The following CLRN3 variants were observed in gnomAD, a reference collection of about 807,000 sequenced individuals.
CLRN3 encodes the protein clarin-3.
CLRN3 carries 12 observed loss-of-function variants against 16.7 expected under a neutral mutation model. That is an observed-to-expected ratio of 0.72 (90% CI 0.46 to 1.16). The LOEUF is 1.16. Among genes scored for constraint, CLRN3 ranks in the 50% most tolerant of loss-of-function variants. The probability of loss-of-function intolerance (pLI) is 0.00; values close to 1 mark genes in which losing one functional copy is unlikely to be tolerated. For missense variants in CLRN3, 296 were observed against 274.2 expected (o/e 1.08, Z -0.56); for synonymous variants, 118 against 113.0 (o/e 1.04, Z -0.28).
chr10:127,884,707 G>C (rs987537904), intron 1 of CLRN3, among the ~76,000 whole-genome samples: 2 of 152,168 alleles, frequency 1.3e-5, no homozygotes, highest in African/African-American at 4.8e-5. Flanking sequence ...TCAGTCCTGG[G>C]TTCCTGGTTT....
Position 127,892,679 on chromosome 10 carries a change from T to G in CLRN3, c.106A>C (p.Ser36Arg). The G allele has an allele frequency of 6.2e-7, 1 of 1,612,086 alleles. No homozygotes were observed. The highest frequency in any genetic ancestry group is 8.5e-7 in the Non-Finnish European group (1 of 1,178,086). Reference sequence around the variant, plus strand: ...GCAGAGTCTCTAACAGCAATTGTACTGGTGATCCATGCTTGTGTCCCAAGA... The same window carrying G: ...GCAGAGTCTCTAACAGCAATTGTACGGGTGATCCATGCTTGTGTCCCAAGA... ...SILGTQAWIT[S>R]TIAVRDSASN... The change falls in exon 1 of 3, where the codon AGT (serine) becomes CGT (arginine). Residue 36 changes from serine to arginine, a missense_variant. Coordinates refer to ENST00000368671, the MANE Select transcript of CLRN3 (RefSeq NM_152311.5).
At chr10:127,891,464 A>G (rs1156240228) in intron 1 of CLRN3, among the ~76,000 whole-genome samples, 2 of 152,240 alleles carry the variant, frequency 1.3e-5, no homozygotes, top group Non-Finnish European at 2.9e-5. Flanking sequence ...AGTTGCTGTA[A>G]AGCCAATGTT....
rs1295900003 is a variant in CLRN3, at chr10:127,878,109, T to C, written c.*40A>G. On this transcript the variant is annotated 3_prime_UTR_variant, in exon 3 of 3. Transcript: ENST00000368671. The stretch of plus-strand genomic sequence containing the variant: ...CTAACCAGTTACTACTCAGGGCTGA[T>C]GTACAATAGATGCAACGCCAAAATG... 3 of 1,601,638 alleles carry C rather than the reference T, an allele frequency of 1.9e-6. No homozygotes were observed. The highest frequency in any genetic ancestry group is 1.3e-5 in the African/African-American group (1 of 74,780).
At chr10:127,881,446 G>C (rs1210262014) in intron 2 of CLRN3, among the ~76,000 whole-genome samples, 1 of 152,222 alleles carries the variant, frequency 6.6e-6, no homozygotes, top group Non-Finnish European at 1.5e-5. Context: ...AACCCTGCAG[G>C]CTGTAGACAC....
At position 127,892,648 on chromosome 10, in the gene CLRN3, T is replaced by C; in HGVS notation, c.137A>G (p.Asn46Ser). The change falls in exon 1 of 3, where the codon AAT becomes AGT. Residue 46 changes from asparagine (N) to serine (S), a missense_variant. By Grantham distance (46) the Asn-to-Ser change is conservative. Coordinates refer to ENST00000368671, the MANE Select transcript of CLRN3 (RefSeq NM_152311.5). ...TCCGTAAGTGATGAAAATGCTCCCA[T>C]TTGAAGCAGAGTCTCTAACAGCAAT... ...STIAVRDSASNGSIFITYGLF... is the reference protein window; with the variant it reads ...STIAVRDSASSGSIFITYGLF... The C allele has an allele frequency of 6.2e-7, 1 of 1,612,746 alleles. No homozygotes were observed. The highest frequency in any genetic ancestry group is 8.5e-7 in the Non-Finnish European group (1 of 1,178,750).
chr10:127,882,959 G>C (rs779495556), intron 2 of CLRN3, among the ~76,000 whole-genome samples: 137 of 152,168 alleles, frequency 9.0e-4, no homozygotes, highest in Non-Finnish European at 1.8e-3. Context: ...TGGGCAGATG[G>C]GCAGCTGCAG....
At chr10:127,891,427 A>G (rs1439106907) in intron 1 of CLRN3, among the ~76,000 whole-genome samples, 1 of 152,232 alleles carries the variant, frequency 6.6e-6, no homozygotes, top group Non-Finnish European at 1.5e-5. Flanking sequence ...CTATTCACAT[A>G]ACTGAAAGCA....
chr10:127,884,700 G>GTCCTGGGT (rs1845173098), intron 1 of CLRN3, among the ~76,000 whole-genome samples: 1 of 152,230 alleles, frequency 6.6e-6, no homozygotes, highest in African/African-American at 2.4e-5. Context: ...CTGGCTGTCA[G>GTCCTGGGT]TCCTGGGTTC....
intron 1 of CLRN3, among the ~76,000 whole-genome samples, chr10:127,886,220 C>A (rs2135082912): frequency 6.6e-6 from 1 of 152,318 alleles, no homozygotes; most frequent in Non-Finnish European, 1.5e-5. Context: ...CCCGACAATC[C>A]CCTTGGACAG....
chr10:127,888,033 A>C (rs1238275786), intron 1 of CLRN3, among the ~76,000 whole-genome samples: 1 of 152,202 alleles, frequency 6.6e-6, no homozygotes, highest in African/African-American at 2.4e-5. Context: ...CCATGCAGGA[A>C]AATGTAACCC....
intron 2 of CLRN3, among the ~76,000 whole-genome samples, chr10:127,879,951 A>G (rs1845108146): frequency 6.6e-6 from 1 of 152,020 alleles, no homozygotes; most frequent in African/African-American, 2.4e-5. Flanking sequence ...TGTACCCGGA[A>G]CTCAGTGGAC....
At chr10:127,882,638 C>T (rs566162967) in intron 2 of CLRN3, among the ~76,000 whole-genome samples, 12 of 152,318 alleles carry the variant, frequency 7.9e-5, no homozygotes, top group Admixed American at 5.2e-4. Flanking sequence ...GCGCCTACCT[C>T]GTGGTAAGGA....
intron 1 of CLRN3, among the ~76,000 whole-genome samples, chr10:127,889,411 G>A (rs1289608479): frequency 1.3e-5 from 2 of 152,138 alleles, no homozygotes; most frequent in Non-Finnish European, 2.9e-5. Flanking sequence ...ATCACTTGAG[G>A]TCAGGAGTTT....
Position 127,883,887 on chromosome 10 carries a change from T to A in CLRN3, c.230-12A>T. ...CAGTATCTCTAAAACTAAAACAATG[T>A]TTTGTGAGTGCATAGCACATAATGC... On this transcript the variant is annotated splice_polypyrimidine_tract_variant and intron_variant, in intron 1 of 2. Coordinates refer to ENST00000368671, the MANE Select transcript of CLRN3 (RefSeq NM_152311.5). 1 of 1,613,280 alleles carries A rather than the reference T, an allele frequency of 6.2e-7. No homozygotes were observed.
In CLRN3 at chr10:127,877,895, AG is replaced by A. The variant is rs1845076972; in HGVS notation, c.*253del. On this transcript the variant is annotated 3_prime_UTR_variant, in exon 3 of 3. Coordinates refer to ENST00000368671, the MANE Select transcript of CLRN3 (RefSeq NM_152311.5). ...TTTCAGATCGTGAGACCAGGTCAGA[AG>A]GGTCGTTACGCTCATCATGATACTA... 8.5e-6 allele frequency: 4 copies of A among 470,524 alleles called. No individual in the cohort carries two copies. The highest frequency in any genetic ancestry group is 5.8e-4 in the Middle Eastern group (1 of 1,718). 29.1% of individuals were successfully genotyped at this position (470,524 alleles called of 1,614,324 possible). A position where few individuals can be genotyped will look rare whatever the true frequency, so the allele number is the denominator to read the frequency against.
At chr10:127,892,030 T>C (rs1168956505) in intron 1 of CLRN3, among the ~76,000 whole-genome samples, 3 of 152,170 alleles carry the variant, frequency 2.0e-5, no homozygotes, top group Non-Finnish European at 4.4e-5. Context: ...TCCTATCAAA[T>C]ATACAATTAA....
chr10:127,883,558 C>T (rs1482037922), intron 2 of CLRN3, 138 bp downstream of exon 2: 4 of 672,572 alleles, frequency 5.9e-6, no homozygotes, highest in Non-Finnish European at 1.1e-5. Flanking sequence ...AACCCCAGCC[C>T]TCAGCTCATG....
In CLRN3 at chr10:127,886,120, G is replaced by A. The variant is rs138494736; in HGVS notation, c.230-2245C>T. ...GCCCAGGCTGGTCTCCAATTCCTAA[G>A]CTCGAGTGATCCTCCCTCCTTGGCC... On this transcript the variant is annotated intron_variant, in intron 1 of 2. Transcript: ENST00000368671. 6.9e-3 allele frequency among the ~76,000 whole-genome samples: 1,051 copies of A among 152,152 alleles called. 18 individuals carry two copies. Among genetic ancestry groups the A allele is most frequent in the African/African-American group, 0.024 (995 of 41,508 alleles).
chr10:127,882,138 C>G (rs1845135263), intron 2 of CLRN3, among the ~76,000 whole-genome samples: 1 of 152,214 alleles, frequency 6.6e-6, no homozygotes, highest in Non-Finnish European at 1.5e-5. Context: ...ACCTCTGACA[C>G]TCAGCTCTGC....
Sources: gnomAD v4.1 joint callset for allele counts (sites outside exome capture counted in the v4.1 genomes callset) on GRCh38, gnomAD v4.1.1 for gene constraint, MANE v1.5 for transcripts, NCBI Gene and HGNC (gene_info 2026-07-23, HGNC 2026-07-21) for gene names.